Variants in PDE7A observed in about 807,000 individuals in gnomAD.
PDE7A encodes high affinity 3',5'-cyclic-AMP phosphodiesterase 7A.
A neutral mutation model predicts 64.3 loss-of-function variants in PDE7A; 39 were observed. The observed-to-expected ratio is 0.61, with a 90% CI of 0.47 to 0.79. The LOEUF (loss-of-function observed/expected upper bound fraction) is 0.79. Among genes scored for constraint, PDE7A ranks in the 30% least tolerant of loss-of-function variants. The pLI, the probability that PDE7A is intolerant of heterozygous loss-of-function variation, is 0.00. For synonymous variants in PDE7A, 203 were observed against 206.8 expected, an observed-to-expected ratio of 0.98 and a Z score of 0.16; for missense variants, 470 against 582.8, an observed-to-expected ratio of 0.81 and a Z score of 1.99.
chr8:65,820,745 A>G (rs1049570921), intron 1 of PDE7A, among the ~76,000 whole-genome samples: 8 of 152,050 alleles, frequency 5.3e-5, no homozygotes, highest in Admixed American at 6.5e-5. Flanking sequence ...GCACACCACT[A>G]TGCCAGGCTA....
At chr8:65,817,843 C>G (rs148661490) in intron 1 of PDE7A, among the ~76,000 whole-genome samples, 8,659 of 151,834 alleles carry the variant, frequency 0.057, 355 homozygotes, top group Middle Eastern at 0.11. Flanking sequence ...AGCTCCGCCT[C>G]CCGGGTTCAC....
chr8:65,739,890 A>T (rs1394841376), intron 5 of PDE7A, among the ~76,000 whole-genome samples: 1 of 152,192 alleles, frequency 6.6e-6, no homozygotes, highest in Non-Finnish European at 1.5e-5. Context: ...GAGAATAGAC[A>T]ATAGAAAACT....
chr8:65,759,280 C>A (rs1177848031), intron 3 of PDE7A, among the ~76,000 whole-genome samples: 1 of 152,172 alleles, frequency 6.6e-6, no homozygotes, highest in African/African-American at 2.4e-5. Flanking sequence ...GGGCTCAGGA[C>A]AGTACTATCT....
At chr8:65,812,235 G>C (rs1188824491) in intron 1 of PDE7A, among the ~76,000 whole-genome samples, 3 of 151,694 alleles carry the variant, frequency 2.0e-5, no homozygotes, top group Non-Finnish European at 4.4e-5. Context: ...AAAAGTCCAG[G>C]AATAGAACAA....
At chr8:65,738,346 G>T (rs1197417709) in intron 6 of PDE7A, among the ~76,000 whole-genome samples, 1 of 152,176 alleles carries the variant, frequency 6.6e-6, no homozygotes, top group East Asian at 1.9e-4. Flanking sequence ...GTCAGAAAAT[G>T]AGACCCCAAA....
chr8:65,804,385 G>A (rs528515526), intron 1 of PDE7A, among the ~76,000 whole-genome samples: 7 of 151,980 alleles, frequency 4.6e-5, no homozygotes, highest in African/African-American at 1.4e-4. Flanking sequence ...CAAGAAAGTC[G>A]TGTCAACTTT....
intron 3 of PDE7A, among the ~76,000 whole-genome samples, chr8:65,753,954 GTTA>G (rs1808094434): frequency 6.6e-6 from 1 of 151,740 alleles, no homozygotes; most frequent in Non-Finnish European, 1.5e-5. Context: ...ATCTCTTTTG[GTTA>G]TTATCTGCAT....
chr8:65,719,703 A>AT, intron 12 of PDE7A: 1 of 562,004 alleles, frequency 1.8e-6, no homozygotes, highest in Non-Finnish European at 3.2e-6. Flanking sequence ...CTCAATGGAA[A>AT]TTTGAGTAAA....
At chr8:65,748,009 A>G (rs1198150580) in intron 3 of PDE7A, among the ~76,000 whole-genome samples, 2 of 151,922 alleles carry the variant, frequency 1.3e-5, no homozygotes, top group Admixed American at 6.6e-5. Flanking sequence ...TCTATTTTCA[A>G]TGAAAGAACT....
chr8:65,743,043 T>C (rs1180444006), intron 5 of PDE7A, among the ~76,000 whole-genome samples: 1 of 152,208 alleles, frequency 6.6e-6, no homozygotes, highest in Admixed American at 6.5e-5. Context: ...TATGTACTTT[T>C]TAAAAATAAA....
chr8:65,780,123 C>G (rs1242752219), intron 2 of PDE7A, among the ~76,000 whole-genome samples: 2 of 149,752 alleles, frequency 1.3e-5, no homozygotes, highest in Non-Finnish European at 3.0e-5. Flanking sequence ...ACATGGGCAA[C>G]ATTTTTTTTT....
At chr8:65,768,640 T>C (rs1808921024) in intron 3 of PDE7A, among the ~76,000 whole-genome samples, 1 of 152,190 alleles carries the variant, frequency 6.6e-6, no homozygotes, top group Non-Finnish European at 1.5e-5. Context: ...TTACTGATAC[T>C]TGTATTCTCT....
intron 9 of PDE7A, chr8:65,725,205 T>TA (rs986341682): frequency 2.0e-3 from 410 of 207,264 alleles, no homozygotes; most frequent in East Asian, 3.2e-3. Context: ...TTATTTGCTT[T>TA]AAAAAAAAAA....
Position 65,719,486 on chromosome 8 carries a change from G to C in PDE7A, c.1253C>G (p.Thr418Ser). ...SIANIQIGFM[T>S]YLVEPLFTEW... Reference sequence around the variant, plus strand: ...TGTAAATAAAGGCTCCACTAGGTAAGTCATAAAACCTTGAGAAAATAGGAG... The same window carrying C: ...TGTAAATAAAGGCTCCACTAGGTAACTCATAAAACCTTGAGAAAATAGGAG... The change falls in exon 13 of 13, where the codon ACT (threonine) becomes AGT (serine). Residue 418 changes from threonine (T) to serine (S), a missense_variant. Coordinates refer to ENST00000401827, the MANE Select transcript of PDE7A (RefSeq NM_001242318.3). 6.2e-7 allele frequency: 1 copy of C among 1,610,584 alleles called. No individual in the cohort carries two copies. Among genetic ancestry groups the C allele is most frequent in the African/African-American group, 1.3e-5 (1 of 74,970 alleles).
At chr8:65,796,053 A>C (rs1809833450) in intron 1 of PDE7A, among the ~76,000 whole-genome samples, 1 of 151,990 alleles carries the variant, frequency 6.6e-6, no homozygotes, top group Non-Finnish European at 1.5e-5. Context: ...ACAATATAAG[A>C]AAAGATCAAT....
intron 1 of PDE7A, 138 bp downstream of exon 1, chr8:65,841,233 G>A (rs1272709537): frequency 3.0e-6 from 3 of 984,348 alleles, no homozygotes; most frequent in African/African-American, 1.7e-5. Flanking sequence ...AAAAGGCTCT[G>A]CAATCGAAAG....
At chr8:65,769,151 G>A (rs896043650) in intron 3 of PDE7A, among the ~76,000 whole-genome samples, 2 of 151,394 alleles carry the variant, frequency 1.3e-5, no homozygotes, top group South Asian at 2.1e-4. Context: ...GGGAGGCTGA[G>A]GCATGAGAAT....
intron 1 of PDE7A, among the ~76,000 whole-genome samples, chr8:65,828,163 C>A (rs13258674): frequency 6.6e-6 from 1 of 151,186 alleles, no homozygotes; most frequent in Non-Finnish European, 1.5e-5. Context: ...AAAAAAAAAT[C>A]AGAAAAGTAG....
At chr8:65,739,469 T>C in intron 6 of PDE7A, 33 bp downstream of exon 6, 2 of 1,520,794 alleles carry the variant, frequency 1.3e-6, no homozygotes, top group Non-Finnish European at 1.8e-6. Flanking sequence ...TAAATGTAAA[T>C]CTTGTTACTG....
Sources: gnomAD v4.1 joint callset for allele counts (sites outside exome capture counted in the v4.1 genomes callset) on GRCh38, gnomAD v4.1.1 for gene constraint, MANE v1.5 for transcripts, NCBI Gene and HGNC (gene_info 2026-07-23, HGNC 2026-07-21) for gene names.